The following KPNA7 variants were observed in gnomAD, a reference collection of about 807,000 sequenced individuals.
KPNA7 encodes karyopherin subunit alpha 7, also known as importin subunit alpha-8.
KPNA7 carries 54 observed loss-of-function variants against 53.7 expected under a neutral mutation model. The observed-to-expected ratio is 1.01, with a 90% confidence interval of 0.81 to 1.26. The LOEUF (loss-of-function observed/expected upper bound fraction) is 1.26, where lower values mean the gene tolerates loss of function less well. Among genes scored for constraint, KPNA7 ranks in the 50% most tolerant of loss-of-function variants. The probability of loss-of-function intolerance (pLI) is 0.00; values close to 1 mark genes in which losing one functional copy is unlikely to be tolerated. For missense variants in KPNA7, 640 were observed against 644.5 expected (o/e 0.99, Z 0.07); for synonymous variants, 276 against 259.3 (o/e 1.06, Z -0.62).
the KPNA7 span, among the ~76,000 whole-genome samples, chr7:99,150,494 A>C: frequency 6.8e-6 from 1 of 147,498 alleles, no homozygotes; most frequent in Non-Finnish European, 1.5e-5. Flanking sequence ...AGCTCACCAC[A>C]ATCTCCGCCT....
chr7:99,164,994 G>A, the KPNA7 span, among the ~76,000 whole-genome samples: 2 of 152,044 alleles, frequency 1.3e-5, no homozygotes, highest in African/African-American at 2.4e-5. Context: ...CTACTAGGGA[G>A]GCCGAGCATG....
chr7:99,170,235 A>AC (rs546728267), downstream of KPNA7, among the ~76,000 whole-genome samples: 104 of 151,182 alleles, frequency 6.9e-4, no homozygotes, highest in African/African-American at 2.3e-3. Flanking sequence ...AACAACAAAC[A>AC]CCCCCCCAAG....
chr7:99,174,067 CAGA>C (rs1269219532), intron 10 of KPNA7, among the ~76,000 whole-genome samples: 1 of 152,172 alleles, frequency 6.6e-6, no homozygotes, highest in Non-Finnish European at 1.5e-5. Context: ...GGCCACACAG[CAGA>C]AGGTGAGCAG....
At chr7:99,191,644 T>C (rs546173874) in intron 6 of KPNA7, among the ~76,000 whole-genome samples, 1 of 152,110 alleles carries the variant, frequency 6.6e-6, no homozygotes, top group Admixed American at 6.6e-5. Flanking sequence ...CATGTCAGAT[T>C]TTTCTCCCAT....
At chr7:99,187,730 G>T in intron 7 of KPNA7, among the ~76,000 whole-genome samples, 1 of 134,734 alleles carries the variant, frequency 7.4e-6, no homozygotes, top group Non-Finnish European at 1.6e-5. Flanking sequence ...ATTCTTTGGT[G>T]TTTTACAAAT....
chr7:99,180,697 CTG>C (rs1356589291), intron 9 of KPNA7, among the ~76,000 whole-genome samples: 1 of 92,252 alleles, frequency 1.1e-5, no homozygotes, highest in Non-Finnish European at 2.3e-5. Context: ...GTCTGTGTCT[CTG>C]TCTGTGTCTC....
intron 1 of KPNA7, 60 bp from the exon 2 acceptor site, chr7:99,207,549 G>T: frequency 3.0e-6 from 2 of 658,426 alleles, no homozygotes; most frequent in Non-Finnish European, 5.0e-6. Context: ...TATTATGTCA[G>T]TATCATAAGG....
chr7:99,166,673 G>A, the KPNA7 span, among the ~76,000 whole-genome samples: 1 of 151,724 alleles, frequency 6.6e-6, no homozygotes, highest in African/African-American at 2.4e-5. Flanking sequence ...AGGCTGGAGT[G>A]CAATGGCATA....
At chr7:99,176,317 G>GA (rs1798904591) in intron 10 of KPNA7, among the ~76,000 whole-genome samples, 2 of 69,814 alleles carry the variant, frequency 2.9e-5, no homozygotes, top group African/African-American at 9.1e-5. Flanking sequence ...AAAAAAGAAA[G>GA]AAAGAAAGAA....
chr7:99,216,301 T>C (rs1208629537), intron 1 of KPNA7, among the ~76,000 whole-genome samples: 1 of 152,122 alleles, frequency 6.6e-6, no homozygotes, highest in African/African-American at 2.4e-5. Flanking sequence ...AGTGCTTGGA[T>C]TACAGATATG....
chr7:99,156,668 G>T, the KPNA7 span, among the ~76,000 whole-genome samples: 1 of 151,918 alleles, frequency 6.6e-6, no homozygotes, highest in Non-Finnish European at 1.5e-5. Flanking sequence ...GGGATTATAG[G>T]TGCCCACCAC....
At chr7:99,205,184 G>A (rs1218548228) in intron 2 of KPNA7, among the ~76,000 whole-genome samples, 1 of 151,888 alleles carries the variant, frequency 6.6e-6, no homozygotes, top group Non-Finnish European at 1.5e-5. Context: ...AGCACTTTGG[G>A]AGGCCGAGGC....
chr7:99,147,529 G>A, the KPNA7 span, among the ~76,000 whole-genome samples: 8 of 152,210 alleles, frequency 5.3e-5, no homozygotes, highest in African/African-American at 1.9e-4. Flanking sequence ...AGTGGCTCAC[G>A]CCTGTAATCC....
At chr7:99,179,004 T>C (rs183158206) in intron 9 of KPNA7, among the ~76,000 whole-genome samples, 1 of 151,954 alleles carries the variant, frequency 6.6e-6, no homozygotes, top group African/African-American at 2.4e-5. Context: ...CTTGAACTCC[T>C]AACCTCAGGT....
intron 2 of KPNA7, 136 bp downstream of exon 2, chr7:99,207,265 C>A (rs879203149): frequency 2.2e-5 from 16 of 712,302 alleles, no homozygotes; most frequent in South Asian, 1.1e-4. Flanking sequence ...AACCTCCTGA[C>A]CTTGTGATCT....
At chr7:99,175,450 A>G (rs1798863233) in intron 10 of KPNA7, among the ~76,000 whole-genome samples, 1 of 151,954 alleles carries the variant, frequency 6.6e-6, no homozygotes, top group Non-Finnish European at 1.5e-5. Context: ...AAGTGCTGCA[A>G]TTATAGGCAT....
rs201064604 is a variant in KPNA7 at position 99,181,033 on chromosome 7, G to C, written c.1317+850C>G. On this transcript the variant is annotated intron_variant, in intron 9 of 10. Coordinates refer to ENST00000327442, the MANE Select transcript of KPNA7 (RefSeq NM_001145715.3). ...TCTCTCTGTGTGTGTGTCTCTCTGT[G>C]TGTGTCTCTCTCTCTCTCTCCGTCT... 4.6e-4 allele frequency among the ~76,000 whole-genome samples: 7 copies of C among 15,220 alleles called. 2 individuals are homozygous for C. The highest frequency in any genetic ancestry group is 4.2e-3 in the East Asian group (2 of 476). 10.0% of individuals were successfully genotyped at this position (15,220 alleles called of 152,430 possible).
intron 6 of KPNA7, among the ~76,000 whole-genome samples, chr7:99,189,404 G>A (rs922424171): frequency 7.2e-5 from 11 of 151,838 alleles, no homozygotes; most frequent in Non-Finnish European, 1.0e-4. Context: ...TGACAGGCCT[G>A]AGTCACCACA....
At chr7:99,169,620 AATAG>A (rs775954164), downstream of KPNA7, among the ~76,000 whole-genome samples, 8 of 152,040 alleles carry the variant, frequency 5.3e-5, no homozygotes, top group East Asian at 5.8e-4. Flanking sequence ...CCATCTCAAA[AATAG>A]ATAAATAACC....
Sources: gnomAD v4.1 joint callset for allele counts (sites outside exome capture counted in the v4.1 genomes callset) on GRCh38, gnomAD v4.1.1 for gene constraint, MANE v1.5 for transcripts, NCBI Gene and HGNC (gene_info 2026-07-23, HGNC 2026-07-21) for gene names.